The following AUTS2 variants were observed in gnomAD, a reference collection of about 807,000 sequenced individuals.
AUTS2 encodes autism susceptibility gene 2 protein.
Under a neutral mutation model 112.4 loss-of-function variants are expected in AUTS2, and 17 were observed. The observed-to-expected ratio is 0.15, with a 90% confidence interval of 0.10 to 0.23. The LOEUF (loss-of-function observed/expected upper bound fraction) is 0.23, where lower values mean the gene tolerates loss of function less well. Among genes scored for constraint, AUTS2 ranks in the 10% least tolerant of loss-of-function variants. AUTS2 has a pLI of 1.00. For missense variants in AUTS2, 1,510 were observed against 1,701.6 expected (o/e 0.89, Z 1.98); for synonymous variants, 751 against 702.7 (o/e 1.07, Z -1.09).
intron 1 of AUTS2, among the ~76,000 whole-genome samples, chr7:69,820,789 G>C (rs929092664): frequency 3.9e-5 from 6 of 152,180 alleles, no homozygotes; most frequent in African/African-American, 1.4e-4. Context: ...GGAGGGTTCT[G>C]TTCCTTCAAG....
chr7:70,290,291 A>C (rs1788649587), intron 4 of AUTS2: 25 of 1,330,230 alleles, frequency 1.9e-5, no homozygotes, highest in Admixed American at 4.0e-5. Flanking sequence ...TGTAAAAAAA[A>C]CATTTAGCAC....
chr7:70,529,899 G>A (rs1002144798), intron 5 of AUTS2, among the ~76,000 whole-genome samples: 4 of 152,226 alleles, frequency 2.6e-5, no homozygotes, highest in African/African-American at 4.8e-5. Flanking sequence ...GATAGCTGAG[G>A]TCAGTCTAGA....
At chr7:70,587,077 T>A (rs886738996) in intron 5 of AUTS2, among the ~76,000 whole-genome samples, 1 of 151,860 alleles carries the variant, frequency 6.6e-6, no homozygotes, top group African/African-American at 2.4e-5. Context: ...TGGCAAGGGA[T>A]TTTTCTTTTT....
At chr7:70,673,066 G>A (rs551671867) in intron 5 of AUTS2, among the ~76,000 whole-genome samples, 3 of 152,294 alleles carry the variant, frequency 2.0e-5, no homozygotes, top group East Asian at 3.9e-4. Context: ...CAGAGGTGAC[G>A]GCACTAATCA....
At chr7:70,601,347 T>G (rs1023757826) in intron 5 of AUTS2, among the ~76,000 whole-genome samples, 1 of 152,226 alleles carries the variant, frequency 6.6e-6, no homozygotes, top group Non-Finnish European at 1.5e-5. Context: ...TTCAGATCCT[T>G]CTTAGGGCAG....
At chr7:70,232,053 A>G (rs895747458) in intron 4 of AUTS2, among the ~76,000 whole-genome samples, 2 of 152,202 alleles carry the variant, frequency 1.3e-5, no homozygotes, top group African/African-American at 4.8e-5. Flanking sequence ...GATTACAGGC[A>G]TGAGCCACTG....
chr7:69,629,787 C>T (rs1794142490), intron 1 of AUTS2, among the ~76,000 whole-genome samples: 1 of 150,904 alleles, frequency 6.6e-6, no homozygotes, highest in Non-Finnish European at 1.5e-5. Flanking sequence ...GGACAGCTGG[C>T]ACATAGTTCG....
intron 4 of AUTS2, among the ~76,000 whole-genome samples, chr7:70,152,390 A>G (rs555816535): frequency 6.6e-6 from 1 of 152,248 alleles, no homozygotes; most frequent in South Asian, 2.1e-4. Flanking sequence ...AGGAAATAGT[A>G]AAAAGACATA....
intron 2 of AUTS2, among the ~76,000 whole-genome samples, chr7:70,025,106 A>C (rs1800455007): frequency 6.6e-6 from 1 of 152,222 alleles, no homozygotes; most frequent in Non-Finnish European, 1.5e-5. Flanking sequence ...TTCAGGTAAC[A>C]GGATAATGAT....
Position 70,516,824 on chromosome 7 carries a change from C to T in AUTS2, c.690+81043C>T, listed in dbSNP as rs149717732. Among the ~76,000 whole-genome samples, 11 of 152,216 alleles carry T rather than the reference C, an allele frequency of 7.2e-5. No homozygotes were observed. The East Asian group carries it at 2.1e-3, about 29-fold the overall frequency. ...TATAATACTGTATGCTAGGTTGAAC[C>T]ATATGAGATTCTATTTTAATAGACC... is the stretch of plus-strand genomic sequence containing the variant. On this transcript the variant is annotated intron_variant, in intron 5 of 18. Coordinates refer to ENST00000342771, the MANE Select transcript of AUTS2 (RefSeq NM_015570.4).
chr7:70,469,309 A>AG (rs370574858), intron 5 of AUTS2, among the ~76,000 whole-genome samples: 3 of 152,182 alleles, frequency 2.0e-5, no homozygotes, highest in South Asian at 2.1e-4. Flanking sequence ...GCAAGGTGTG[A>AG]GGGGGGTGCT....
intron 5 of AUTS2, among the ~76,000 whole-genome samples, chr7:70,585,654 T>G (rs1309117947): frequency 6.6e-6 from 1 of 152,138 alleles, no homozygotes; most frequent in Non-Finnish European, 1.5e-5. Flanking sequence ...TTGTTAACAG[T>G]GGATATCTTC....
chr7:70,028,935 C>T (rs773446804), intron 2 of AUTS2, among the ~76,000 whole-genome samples: 1 of 152,096 alleles, frequency 6.6e-6, no homozygotes, highest in African/African-American at 2.4e-5. Context: ...TTCTTTTACT[C>T]CAAACACTGT....
At chr7:70,779,704 A>G (rs1188695374) in intron 14 of AUTS2, among the ~76,000 whole-genome samples, 1 of 152,154 alleles carries the variant, frequency 6.6e-6, no homozygotes, top group African/African-American at 2.4e-5. Flanking sequence ...GAATGGGGCT[A>G]AAGGGGCTGA....
At chr7:70,238,209 C>A (rs1164711014) in intron 4 of AUTS2, among the ~76,000 whole-genome samples, 1 of 152,160 alleles carries the variant, frequency 6.6e-6, no homozygotes. Context: ...TGCTTGCTGT[C>A]TTCTTAAAAA....
intron 2 of AUTS2, among the ~76,000 whole-genome samples, chr7:70,069,522 A>G (rs1407969358): frequency 6.6e-6 from 1 of 152,200 alleles, no homozygotes; most frequent in African/African-American, 2.4e-5. Flanking sequence ...ATCCTGTCCT[A>G]CATTAGCTTT....
rs190301853 is a variant in AUTS2, at chr7:69,762,786, G to A, written c.310-136500G>A. Among the ~76,000 whole-genome samples the A allele has an allele frequency of 2.0e-5, 3 of 152,222 alleles. No homozygotes were observed. In the East Asian group the frequency reaches 5.8e-4, roughly 29 times the overall value. ...AAAAAAAGTAGTAAAGCAACAATAAGGAAATACTCTTTTATTCTGGAATGA... is the reference window on the plus strand; with the variant it reads ...AAAAAAAGTAGTAAAGCAACAATAAAGAAATACTCTTTTATTCTGGAATGA... On this transcript the variant is annotated intron_variant, in intron 1 of 18. Coordinates refer to ENST00000342771, the MANE Select transcript of AUTS2 (RefSeq NM_015570.4).
At chr7:70,740,511 C>G (rs1447856474) in intron 6 of AUTS2, among the ~76,000 whole-genome samples, 1 of 152,074 alleles carries the variant, frequency 6.6e-6, no homozygotes, top group Non-Finnish European at 1.5e-5. Flanking sequence ...ATAATCATGT[C>G]TCATCATATT....
chr7:70,570,468 C>T (rs1223170570), intron 5 of AUTS2, among the ~76,000 whole-genome samples: 2 of 152,124 alleles, frequency 1.3e-5, no homozygotes, highest in East Asian at 3.9e-4. Flanking sequence ...GTTTCAGAAT[C>T]GACACAAACG....
Sources: gnomAD v4.1 joint callset for allele counts (sites outside exome capture counted in the v4.1 genomes callset) on GRCh38, gnomAD v4.1.1 for gene constraint, MANE v1.5 for transcripts, NCBI Gene and HGNC (gene_info 2026-07-23, HGNC 2026-07-21) for gene names.